Variants in IQSEC1 observed in about 807,000 individuals in gnomAD.
The protein encoded by IQSEC1 is IQ motif and Sec7 domain ArfGEF 1, also known as IQ motif and SEC7 domain-containing protein 1.
Under a neutral mutation model 91.0 loss-of-function variants are expected in IQSEC1, and 31 were observed. The observed-to-expected ratio is 0.34, with a 90% CI of 0.26 to 0.46. The LOEUF (loss-of-function observed/expected upper bound fraction) is 0.46, where lower values mean the gene tolerates loss of function less well. Ranked by LOEUF, IQSEC1 falls within the 20% of genes least tolerant of loss-of-function variation. The probability of loss-of-function intolerance (pLI) is 1.00; values close to 1 mark genes in which losing one functional copy is unlikely to be tolerated. For missense variants in IQSEC1, 1,388 were observed against 1,575.6 expected (o/e 0.88, Z 2.02); for synonymous variants, 699 against 662.6 (o/e 1.05, Z -0.84).
At chr3:13,114,189 C>T (rs1319289422) in intron 2 of IQSEC1, among the ~76,000 whole-genome samples, 1 of 152,156 alleles carries the variant, frequency 6.6e-6, no homozygotes, top group East Asian at 1.9e-4. Context: ...AAGGAGAACC[C>T]ACGCATGTGC....
intron 2 of IQSEC1, among the ~76,000 whole-genome samples, chr3:13,143,594 C>T (rs1206276585): frequency 6.6e-6 from 1 of 152,240 alleles, no homozygotes; most frequent in African/African-American, 2.4e-5. Context: ...CAGAGCCAAC[C>T]TCCATGGCCA....
rs1209397272 is a variant in IQSEC1 at position 12,967,546 on chromosome 3, C to G, written c.24-25681G>C. ...CCAGCGAGCCGCCGGATCCCGGGGCCGACACCCGGCCACCCGGAGACCCGA... is the reference window on the plus strand; with the variant it reads ...CCAGCGAGCCGCCGGATCCCGGGGCGGACACCCGGCCACCCGGAGACCCGA... On this transcript the variant is annotated intron_variant, in intron 1 of 13. Coordinates refer to ENST00000613206, the MANE Select transcript of IQSEC1 (RefSeq NM_001134382.3). The surrounding 1 kb of genome is among the most constrained non-coding windows in gnomAD (Gnocchi z 5.9). The G allele has an allele frequency of 8.8e-6, 12 of 1,368,378 alleles. No individual in the cohort carries two copies. Among genetic ancestry groups the G allele is most frequent in the Non-Finnish European group, 1.1e-5 (12 of 1,069,710 alleles). The allele number at this position is 1,368,378 out of a possible 1,614,324, so 84.8% of individuals were successfully genotyped here.
At chr3:13,096,341 G>T (rs535285369) in intron 2 of IQSEC1, among the ~76,000 whole-genome samples, 2 of 152,216 alleles carry the variant, frequency 1.3e-5, no homozygotes. Context: ...TCAGGGCAGG[G>T]TCAGTGTTGT....
Position 13,267,876 on chromosome 3 carries a change from C to A in IQSEC1, c.272+14835G>T, listed in dbSNP as rs902285255. Reference sequence around the variant, plus strand: ...TCGTGATCCACCCGCCTCGGCCTCCCAAAGTGCTAGGATTACAGGTGTGAA... The same window carrying A: ...TCGTGATCCACCCGCCTCGGCCTCCAAAAGTGCTAGGATTACAGGTGTGAA... On this transcript the variant is annotated intron_variant, in intron 1 of 15. Transcript: ENST00000648114. 5.8e-4 allele frequency among the ~76,000 whole-genome samples: 88 copies of A among 152,182 alleles called. 1 individual carries two copies. The highest frequency in any genetic ancestry group is 3.5e-4 in the Non-Finnish European group (24 of 68,018).
chr3:13,050,771 C>A (rs895405341), intron 1 of IQSEC1, among the ~76,000 whole-genome samples: 1 of 152,140 alleles, frequency 6.6e-6, no homozygotes, highest in Non-Finnish European at 1.5e-5. Context: ...AGTCGGCATT[C>A]CATAAAAGCT....
At chr3:13,015,240 T>C (rs1439064848) in intron 1 of IQSEC1, among the ~76,000 whole-genome samples, 2 of 152,094 alleles carry the variant, frequency 1.3e-5, no homozygotes, top group East Asian at 3.9e-4. Flanking sequence ...GTGAGGGCCG[T>C]AGGCAGCGAC....
At chr3:13,113,040 C>T (rs1706275769) in intron 2 of IQSEC1, among the ~76,000 whole-genome samples, 1 of 152,244 alleles carries the variant, frequency 6.6e-6, no homozygotes, top group South Asian at 2.1e-4. Context: ...CCTAGAGCTG[C>T]TCTGGGAGCT....
intron 2 of IQSEC1, among the ~76,000 whole-genome samples, chr3:13,143,795 G>T (rs774369787): frequency 2.2e-4 from 33 of 152,232 alleles, no homozygotes; most frequent in South Asian, 6.2e-4. Context: ...TAGAGCCAGG[G>T]AGGGGTTGGG....
chr3:13,045,708 G>C (rs897153314), intron 1 of IQSEC1, among the ~76,000 whole-genome samples: 1 of 152,248 alleles, frequency 6.6e-6, no homozygotes, highest in Admixed American at 6.5e-5. Flanking sequence ...GGCCGGCGGA[G>C]TGGACAATTC....
chr3:13,159,094 T>C (rs1707126826), intron 2 of IQSEC1, among the ~76,000 whole-genome samples: 1 of 152,086 alleles, frequency 6.6e-6, no homozygotes, highest in East Asian at 1.9e-4. Flanking sequence ...GGAGAGACCA[T>C]ATGTTCAGGC....
chr3:12,924,425 ATGTG>A lies in IQSEC1; in HGVS notation c.1730+152_1730+155del, dbSNP rs1027616925. ...TGCTGGGCAGATGTGGGGCATCTGC[ATGTG>A]TGTGTCTAGGACTTAGGAAGAGAGA... On this transcript the variant is annotated intron_variant, in intron 4 of 13. Coordinates refer to ENST00000613206, the MANE Select transcript of IQSEC1 (RefSeq NM_001134382.3). This position sits in a 1 kb window ranked among gnomAD's most constrained non-coding sequence, Gnocchi z 6.3. Among the ~76,000 whole-genome samples the A allele has an allele frequency of 1.3e-5, 2 of 152,060 alleles. No homozygotes were observed. The highest frequency in any genetic ancestry group is 2.9e-5 in the Non-Finnish European group (2 of 67,972).
Position 13,192,399 on chromosome 3 carries a change from T to C in IQSEC1, c.273-28266A>G, listed in dbSNP as rs138144801. On this transcript the variant is annotated intron_variant, in intron 1 of 15. Transcript: ENST00000648114. ...GCTATTGCAGATGTCTTAGGTAAGA[T>C]GTGGCACACTGGAGTAGGGGTCCCC... 1.5e-4 allele frequency among the ~76,000 whole-genome samples: 23 copies of C among 151,074 alleles called. No homozygotes were observed. The East Asian group carries it at 4.3e-3, about 28-fold the overall frequency.
In IQSEC1 at chr3:12,899,953, A is replaced by G. The variant is rs1694062343; in HGVS notation, c.*1030T>C. ...ACTCTGAATGAGTGTGCGTCAAATC[A>G]TATGCGCATAAAAGAAACATGGATC... On this transcript the variant is annotated 3_prime_UTR_variant, in exon 14 of 14. Coordinates refer to ENST00000613206, the MANE Select transcript of IQSEC1 (RefSeq NM_001134382.3). The G allele has an allele frequency of 1.0e-6, 1 of 985,178 alleles. No homozygotes were observed. Among genetic ancestry groups the G allele is most frequent in the African/African-American group, 1.7e-5 (1 of 57,182 alleles). The allele number at this position is 985,178 out of a possible 1,614,324, so 61.0% of individuals were successfully genotyped here. A position where few individuals can be genotyped will look rare whatever the true frequency, so the allele number is the denominator to read the frequency against.
At chr3:13,042,170 T>C (rs989812211) in intron 1 of IQSEC1, 2 of 152,194 alleles carry the variant, frequency 1.3e-5, no homozygotes, top group African/African-American at 4.8e-5. Context: ...TCTTGGCCAG[T>C]GACGGGGACC....
chr3:12,902,147 C>T (rs989815353), intron 13 of IQSEC1, among the ~76,000 whole-genome samples: 2 of 152,144 alleles, frequency 1.3e-5, no homozygotes, highest in Non-Finnish European at 2.9e-5. Context: ...AGAAAAAGAT[C>T]TGCAAGCTGA....
Position 12,900,840 on chromosome 3 carries a change from G to A in IQSEC1, c.*143C>T, listed in dbSNP as rs768574019. 5.3e-6 allele frequency: 8 copies of A among 1,517,248 alleles called. No homozygotes were observed. The South Asian group carries it at 9.9e-5, about 19-fold the overall frequency. 94.0% of individuals were successfully genotyped at this position (1,517,248 alleles called of 1,614,324 possible). A position where few individuals can be genotyped will look rare whatever the true frequency, so the allele number is the denominator to read the frequency against. The stretch of plus-strand genomic sequence containing the variant: ...CACAACACCAGCCCTGTGGGCTCCT[G>A]GGGCTCCGGTTGGGCCGTGAGGGGC... On this transcript the variant is annotated 3_prime_UTR_variant, in exon 14 of 14. Transcript: ENST00000613206.
chr3:13,098,211 C>T (rs1037888977), intron 2 of IQSEC1, among the ~76,000 whole-genome samples: 2 of 152,254 alleles, frequency 1.3e-5, no homozygotes, highest in Non-Finnish European at 2.9e-5. Context: ...GCTGACGGCA[C>T]AGCAGAGATC....
chr3:12,907,042 C>T (rs150349196), intron 12 of IQSEC1, among the ~76,000 whole-genome samples: 117 of 152,272 alleles, frequency 7.7e-4, no homozygotes, highest in African/African-American at 2.6e-3. Flanking sequence ...ATATTACTGG[C>T]AACCAGTAGT....
At chr3:13,161,886 C>G (rs1293350034) in intron 2 of IQSEC1, among the ~76,000 whole-genome samples, 1 of 152,168 alleles carries the variant, frequency 6.6e-6, no homozygotes, top group Non-Finnish European at 1.5e-5. Context: ...GTGCCAGTCC[C>G]CCTGCAACGC....
Sources: gnomAD v4.1 joint callset for allele counts (sites outside exome capture counted in the v4.1 genomes callset) on GRCh38, gnomAD v4.1.1 for gene constraint, Gnocchi (gnomAD v3.1) non-coding constraint, MANE v1.5 for transcripts, NCBI Gene and HGNC (gene_info 2026-07-23, HGNC 2026-07-21) for gene names.